The following STK11 variants were observed in gnomAD, a reference collection of about 807,000 sequenced individuals.
The protein encoded by STK11 is serine/threonine-protein kinase STK11.
In STK11, 8 loss-of-function variants were observed where a neutral mutation model predicts 47.3. That is an observed-to-expected ratio of 0.17 (90% CI 0.10 to 0.31). The LOEUF is 0.31. STK11 is among the 10% of genes least tolerant of loss of function. The pLI, the probability that STK11 is intolerant of heterozygous loss-of-function variation, is 1.00. For missense variants in STK11, 475 were observed against 605.0 expected (o/e 0.79, Z 2.25); for synonymous variants, 330 against 255.8 (o/e 1.29, Z -2.77).
At position 1,228,089 on chromosome 19, in the gene STK11, G is replaced by A. The variant is rs1194312216; in HGVS notation, c.*513G>A. The A allele has an allele frequency of 2.8e-6, 3 of 1,065,222 alleles. No homozygotes were observed. Among genetic ancestry groups the A allele is most frequent in the Non-Finnish European group, 3.4e-6 (3 of 879,324 alleles). The allele number at this position is 1,065,222 out of a possible 1,614,324, so 66.0% of individuals were successfully genotyped here. A position where few individuals can be genotyped will look rare whatever the true frequency, so the allele number is the denominator to read the frequency against. ...TTTTTTTAAGAAAAAATAAAAGGTG[G>A]ATTTGAGCTGTGGCTGTGAGGGGTG... is the stretch of plus-strand genomic sequence containing the variant. On this transcript the variant is annotated 3_prime_UTR_variant, in exon 10 of 10. Transcript: ENST00000326873.
At chr19:1,216,989 G>C (rs141821205) in intron 1 of STK11, among the ~76,000 whole-genome samples, 1 of 152,030 alleles carries the variant, frequency 6.6e-6, no homozygotes, top group Non-Finnish European at 1.5e-5. Context: ...GCTGATCCTC[G>C]TCTGTGGAAG....
At chr19:1,212,357 C>G (rs996785063) in intron 1 of STK11, among the ~76,000 whole-genome samples, 2 of 129,584 alleles carry the variant, frequency 1.5e-5, no homozygotes, top group Non-Finnish European at 3.1e-5. Flanking sequence ...AATCATAGCT[C>G]TGGGCTCAGG....
intron 1 of STK11, among the ~76,000 whole-genome samples, chr19:1,209,366 T>G (rs1806263970): frequency 6.6e-6 from 1 of 151,978 alleles, no homozygotes; most frequent in South Asian, 2.1e-4. Context: ...GTGGATCGCC[T>G]GAGGTCAGGA....
At chr19:1,212,312 C>G (rs1047842028) in intron 1 of STK11, among the ~76,000 whole-genome samples, 4 of 114,280 alleles carry the variant, frequency 3.5e-5, no homozygotes, top group African/African-American at 9.9e-5. Flanking sequence ...GAGACAGGGT[C>G]TCACTGTATC....
chr19:1,209,321 G>A (rs944513550), intron 1 of STK11, among the ~76,000 whole-genome samples: 1 of 152,132 alleles, frequency 6.6e-6, no homozygotes, highest in African/African-American at 2.4e-5. Flanking sequence ...GGTGGCTCAC[G>A]CCTGTAATCC....
chr19:1,208,303 T>G (rs2080683194), intron 1 of STK11, among the ~76,000 whole-genome samples: 1 of 142,896 alleles, frequency 7.0e-6, no homozygotes, highest in Non-Finnish European at 1.5e-5. Flanking sequence ...GGGGCTCACG[T>G]ACATTTTTTT....
intron 6 of STK11, 101 bp downstream of exon 6, chr19:1,221,441 C>A (rs1259811654): frequency 6.9e-7 from 1 of 1,446,626 alleles, no homozygotes; most frequent in African/African-American, 1.4e-5. Flanking sequence ...GGCCCCGAGA[C>A]CCCAGCAGGC....
Position 1,223,443 on chromosome 19 carries a change from C to T in STK11, c.1108+271C>T, listed in dbSNP as rs149451719. Among the ~76,000 whole-genome samples, 37 of 152,358 alleles carry T rather than the reference C, an allele frequency of 2.4e-4. No individual in the cohort carries two copies. In the East Asian group the frequency reaches 6.0e-3, roughly 25 times the overall value. The stretch of plus-strand genomic sequence containing the variant: ...TCTCTCCGGGTGCTGCCCAGCCAGG[C>T]ACCACCCACCGGCCTTGGCCTGAGT... On this transcript the variant is annotated intron_variant, in intron 8 of 9. Coordinates refer to ENST00000326873, the MANE Select transcript of STK11 (RefSeq NM_000455.5).
At chr19:1,220,899 C>T (rs1191978022) in intron 5 of STK11, among the ~76,000 whole-genome samples, 182 bp downstream of exon 5, 3 of 152,216 alleles carry the variant, frequency 2.0e-5, no homozygotes, top group East Asian at 1.9e-4. Context: ...GTGGTTCACC[C>T]GTGTGAAGTG....
intron 1 of STK11, among the ~76,000 whole-genome samples, chr19:1,208,016 A>G (rs879855121): frequency 2.6e-5 from 4 of 152,198 alleles, no homozygotes; most frequent in Admixed American, 1.3e-4. Flanking sequence ...GCAGCCAGAC[A>G]CGCTGCACCT....
At chr19:1,216,495 G>T (rs1263225569) in intron 1 of STK11, 1 of 153,264 alleles carries the variant, frequency 6.5e-6, no homozygotes, top group Non-Finnish European at 1.4e-5. Context: ...AGGAGAAATC[G>T]CTTGAACCCG....
chr19:1,224,767 G>T lies in STK11; in HGVS notation c.1108+1595G>T, dbSNP rs542154913. ...TAAGCCCACTGTGGGTGGTGAGGAG[G>T]AGTACCCAGCAGGGGGAAGGGCCGC... On this transcript the variant is annotated intron_variant, in intron 8 of 9. Coordinates refer to ENST00000326873, the MANE Select transcript of STK11 (RefSeq NM_000455.5). 1.0e-4 allele frequency: 100 copies of T among 985,644 alleles called. No individual in the cohort carries two copies. The South Asian group carries it at 3.1e-3, about 31-fold the overall frequency. 61.1% of individuals were successfully genotyped at this position (985,644 alleles called of 1,614,324 possible).
rs556096131 is a variant in STK11, at chr19:1,226,904, C to T, written c.*16+241C>T. 1,269 of 515,948 alleles carry T rather than the reference C, an allele frequency of 2.5e-3. 5 individuals carry two copies. Among genetic ancestry groups the T allele is most frequent in the Non-Finnish European group, 3.7e-3 (1,106 of 300,128 alleles). 32.0% of individuals were successfully genotyped at this position (515,948 alleles called of 1,614,324 possible). A position where few individuals can be genotyped will look rare whatever the true frequency, so the allele number is the denominator to read the frequency against. On this transcript the variant is annotated intron_variant, in intron 9 of 9. Coordinates refer to ENST00000326873, the MANE Select transcript of STK11 (RefSeq NM_000455.5). ...TACGTGTGGCGGGGCTCTGGGGGGG[C>T]GTGCCGTCCTCACAGCCACCTCTCA... is the stretch of plus-strand genomic sequence containing the variant.
At chr19:1,218,216 G>C (rs961794594) in intron 1 of STK11, among the ~76,000 whole-genome samples, 1 of 152,132 alleles carries the variant, frequency 6.6e-6, no homozygotes, top group African/African-American at 2.4e-5. Flanking sequence ...AGGGCGCTGT[G>C]CTCCCACCCC....
intron 1 of STK11, among the ~76,000 whole-genome samples, chr19:1,217,810 G>C (rs1437498744): frequency 1.3e-5 from 2 of 152,234 alleles, no homozygotes; most frequent in South Asian, 2.1e-4. Context: ...TCCTGCCACA[G>C]TCTGGGCTCC....
At chr19:1,224,921 C>T (rs2080810300) in intron 8 of STK11, 10 of 985,646 alleles carry the variant, frequency 1.0e-5, no homozygotes, top group Non-Finnish European at 1.1e-5. Context: ...CCCTGACCTG[C>T]AGAGCCCCCT....
rs1176365465 is a variant in STK11 at position 1,220,388 on chromosome 19, G to A, written c.480G>A (p.Leu160=). The A allele has an allele frequency of 1.2e-6, 2 of 1,602,970 alleles. No homozygotes were observed. Among genetic ancestry groups the A allele is most frequent in the Non-Finnish European group, 1.7e-6 (2 of 1,175,340 alleles). ...VCQAHGYFCQ[L]IDGLEYLHSQ... is the part of the protein sequence containing the mutation. ...CTGCCCGCAGGTACTTCTGTCAGCTGATTGACGGCCTGGAGTACCTGCATA... is the reference window on the plus strand; with the variant it reads ...CTGCCCGCAGGTACTTCTGTCAGCTAATTGACGGCCTGGAGTACCTGCATA... Residue 160 remains leucine (L), a synonymous_variant, in exon 4 of 10, where the codon CTG becomes CTA. Transcript: ENST00000326873.
At chr19:1,224,852 C>T (rs1403005332) in intron 8 of STK11, 1 of 985,488 alleles carries the variant, frequency 1.0e-6, no homozygotes, top group African/African-American at 1.7e-5. Context: ...GGTGGACGCC[C>T]CTCCCACTGC....
chr19:1,220,577 A>C lies in STK11; in HGVS notation c.598-4A>C. ...TCCCTGAGGGCTGCACGGCACCGCC[A>C]CAGGCACTGCACCCGTTCGCGGCGG... On this transcript the variant is annotated splice_polypyrimidine_tract_variant and splice_region_variant and intron_variant, in intron 4 of 9. Coordinates refer to ENST00000326873, the MANE Select transcript of STK11 (RefSeq NM_000455.5). The C allele has an allele frequency of 6.3e-7, 1 of 1,581,244 alleles. No homozygotes were observed. The highest frequency in any genetic ancestry group is 8.6e-7 in the Non-Finnish European group (1 of 1,162,838).
Sources: gnomAD v4.1 joint callset for allele counts (sites outside exome capture counted in the v4.1 genomes callset) on GRCh38, gnomAD v4.1.1 for gene constraint, MANE v1.5 for transcripts, NCBI Gene and HGNC (gene_info 2026-07-23, HGNC 2026-07-21) for gene names.